VAV2: variants seen among roughly 807,000 people sequenced by gnomAD.
VAV2 encodes the protein vav guanine nucleotide exchange factor 2, also known as guanine nucleotide exchange factor VAV2.
VAV2 carries 67 observed loss-of-function variants against 132.5 expected under a neutral mutation model. The ratio of observed to expected loss-of-function variants is 0.51; its 90% CI spans 0.42 to 0.62. VAV2 has a LOEUF of 0.62. VAV2 is among the 20% of genes least tolerant of loss of function. The probability of loss-of-function intolerance (pLI) is 0.00; values close to 1 mark genes in which losing one functional copy is unlikely to be tolerated. For synonymous variants in VAV2, 492 were observed against 443.5 expected, an observed-to-expected ratio of 1.11 and a Z score of -1.37; for missense variants, 938 against 1,153.6, an observed-to-expected ratio of 0.81 and a Z score of 2.71.
intron 25 of VAV2, among the ~76,000 whole-genome samples, chr9:133,772,850 T>C (rs1321864100): frequency 5.9e-5 from 9 of 152,006 alleles, no homozygotes; most frequent in East Asian, 3.9e-4. Flanking sequence ...CATTGCCTAC[T>C]GCACACCCCA....
Position 133,912,254 on chromosome 9 carries a change from G to A in VAV2, c.321+26849C>T, listed in dbSNP as rs1218592601. ...GTTTTAGTACAAAACAGACAAACCA[G>A]AAACCTACGGCATCAGGACACCGTC... On this transcript the variant is annotated intron_variant, in intron 2 of 29. Coordinates refer to ENST00000371850, the MANE Select transcript of VAV2 (RefSeq NM_001134398.2). This position sits in a 1 kb window ranked among gnomAD's most constrained non-coding sequence, Gnocchi z 4.3. Among the ~76,000 whole-genome samples the A allele has an allele frequency of 6.6e-6, 1 of 152,160 alleles. No homozygotes were observed. The highest frequency in any genetic ancestry group is 2.4e-5 in the African/African-American group (1 of 41,430).
At chr9:133,877,502 C>T (rs1327443675) in intron 2 of VAV2, among the ~76,000 whole-genome samples, 1 of 152,204 alleles carries the variant, frequency 6.6e-6, no homozygotes, top group African/African-American at 2.4e-5. Flanking sequence ...CCTCAACCAC[C>T]CAATGAGGTC....
At chr9:133,929,459 T>G (rs1164395599) in intron 2 of VAV2, among the ~76,000 whole-genome samples, 1 of 152,050 alleles carries the variant, frequency 6.6e-6, no homozygotes, top group Non-Finnish European at 1.5e-5. Flanking sequence ...GGATTCGAGG[T>G]GCCTGCCCTG....
intron 19 of VAV2, among the ~76,000 whole-genome samples, chr9:133,782,447 G>A (rs1447426984): frequency 2.6e-5 from 4 of 152,194 alleles, no homozygotes; most frequent in African/African-American, 9.7e-5. Flanking sequence ...CACAGCTAGG[G>A]GGCTGCATTG....
At chr9:133,781,901 A>C (rs1056540320) in intron 19 of VAV2, among the ~76,000 whole-genome samples, 4 of 152,226 alleles carry the variant, frequency 2.6e-5, no homozygotes, top group African/African-American at 9.6e-5. Context: ...TGCAGTTCCA[A>C]CTACACATAC....
At chr9:133,895,161 C>G (rs73662324) in intron 2 of VAV2, among the ~76,000 whole-genome samples, 1 of 152,130 alleles carries the variant, frequency 6.6e-6, no homozygotes, top group Non-Finnish European at 1.5e-5. Context: ...TCAACTCCTA[C>G]AGCAAAGAGT....
chr9:133,971,102 G>A (rs147076561), intron 1 of VAV2, among the ~76,000 whole-genome samples: 6 of 152,306 alleles, frequency 3.9e-5, no homozygotes, highest in East Asian at 1.9e-4. Context: ...GGTCTGGACC[G>A]GGAAGCCCCG....
At chr9:133,882,553 G>A (rs1838540184) in intron 2 of VAV2, among the ~76,000 whole-genome samples, 1 of 152,150 alleles carries the variant, frequency 6.6e-6, no homozygotes, top group African/African-American at 2.4e-5. Flanking sequence ...GACATAGGGA[G>A]AAAGGGGAGG....
At chr9:133,936,090 C>T (rs887738337) in intron 2 of VAV2, among the ~76,000 whole-genome samples, 42 of 152,270 alleles carry the variant, frequency 2.8e-4, no homozygotes, top group Admixed American at 7.8e-4. Flanking sequence ...GGAGTGTCAC[C>T]GCCATTTTAC....
chr9:133,905,266 T>TAAAA (rs35348134), intron 2 of VAV2, among the ~76,000 whole-genome samples: 66 of 145,336 alleles, frequency 4.5e-4, no homozygotes, highest in African/African-American at 1.6e-3. Context: ...CCATCTCTAC[T>TAAAA]AAAAAAAAAA....
intron 2 of VAV2, among the ~76,000 whole-genome samples, chr9:133,881,166 G>A (rs1487937915): frequency 6.6e-6 from 1 of 152,258 alleles, no homozygotes; most frequent in Non-Finnish European, 1.5e-5. Flanking sequence ...TCAGGCTGCT[G>A]GGCTTCCCAC....
intron 2 of VAV2, among the ~76,000 whole-genome samples, chr9:133,895,927 T>A (rs1280966002): frequency 1.5e-5 from 2 of 132,510 alleles, no homozygotes; most frequent in East Asian, 2.1e-4. Flanking sequence ...CACACTAAAA[T>A]CTTTTTTTTT....
chr9:133,832,850 T>C (rs1219821556), intron 4 of VAV2, among the ~76,000 whole-genome samples: 1 of 131,488 alleles, frequency 7.6e-6, no homozygotes, highest in African/African-American at 3.4e-5. Context: ...GAGTGAGCAG[T>C]TTTTTTTTGA....
At chr9:133,938,956 G>A (rs1266174650) in intron 2 of VAV2, 147 bp downstream of exon 2, 3 of 758,630 alleles carry the variant, frequency 4.0e-6, no homozygotes, top group African/African-American at 3.5e-5. Context: ...GGACCTGCCT[G>A]CACCTCCCGG....
chr9:133,826,550 G>A lies in VAV2; in HGVS notation c.449+7722C>T. On this transcript the variant is annotated intron_variant, in intron 4 of 29. Transcript: ENST00000371850. The surrounding 1 kb of genome is among the most constrained non-coding windows in gnomAD (Gnocchi z 4.2). Reference sequence around the variant, plus strand: ...TGAGGTTGCAGGACCCTGCTCTGCAGACAAGGATGCTCCTGGTGGGGCATG... The same window carrying A: ...TGAGGTTGCAGGACCCTGCTCTGCAAACAAGGATGCTCCTGGTGGGGCATG... 6.6e-6 allele frequency among the ~76,000 whole-genome samples: 1 copy of A among 152,182 alleles called. No individual in the cohort carries two copies. Among genetic ancestry groups the A allele is most frequent in the East Asian group, 1.9e-4 (1 of 5,188 alleles).
intron 2 of VAV2, among the ~76,000 whole-genome samples, chr9:133,899,068 G>A (rs1217397984): frequency 2.0e-5 from 3 of 152,018 alleles, no homozygotes; most frequent in South Asian, 2.1e-4. Context: ...TGATCCGCCC[G>A]CCTCGGCCTC....
intron 1 of VAV2, among the ~76,000 whole-genome samples, chr9:133,945,582 G>A (rs1397924303): frequency 6.6e-6 from 1 of 152,178 alleles, no homozygotes; most frequent in East Asian, 1.9e-4. Flanking sequence ...CCCATGCCCG[G>A]GAAAGTCCCT....
At chr9:133,764,853 T>C (rs1833382909) in intron 29 of VAV2, among the ~76,000 whole-genome samples, 2 of 152,208 alleles carry the variant, frequency 1.3e-5, no homozygotes, top group Admixed American at 1.3e-4. Flanking sequence ...GCAGATACTA[T>C]GCTGGCTGAG....
In VAV2 at chr9:133,770,477, G is replaced by A; in HGVS notation, c.2248C>T (p.His750Tyr). 3 of 1,614,098 alleles carry A rather than the reference G, an allele frequency of 1.9e-6. No homozygotes were observed. Among genetic ancestry groups the A allele is most frequent in the Non-Finnish European group, 2.5e-6 (3 of 1,179,972 alleles). ...LLELVEYYQC[H>Y]SLKESFKQLD... ...TGCTTGAAGCTCTCCTTCAGTGAGT[G>A]GCACTGGTAGTACTCCACCAACTCC... The change falls in exon 27 of 30, where the codon CAC (histidine) becomes TAC (tyrosine). Residue 750 changes from histidine to tyrosine, a missense_variant. Physicochemically the swap from His to Tyr is moderately conservative, Grantham distance 83 (BLOSUM62 2). Transcript: ENST00000371850.
Sources: allele counts gnomAD v4.1 joint callset (sites outside exome capture counted in the v4.1 genomes callset), GRCh38; gene constraint gnomAD v4.1.1; non-coding constraint Gnocchi (gnomAD v3.1); transcripts MANE v1.5; gene names NCBI Gene and HGNC (gene_info 2026-07-23, HGNC 2026-07-21).